The following IQCJ variants were observed in gnomAD, a reference collection of about 807,000 sequenced individuals.
The protein encoded by IQCJ is IQ domain-containing protein J.
In IQCJ, 9 loss-of-function variants were observed where a neutral mutation model predicts 11.0. The observed-to-expected ratio is 0.82, with a 90% CI of 0.49 to 1.43. IQCJ has a LOEUF of 1.43. Among genes scored for constraint, IQCJ ranks in the 40% most tolerant of loss-of-function variants. The probability of loss-of-function intolerance (pLI) is 0.00; values close to 1 mark genes in which losing one functional copy is unlikely to be tolerated. For synonymous variants in IQCJ, 55 were observed against 51.3 expected (o/e 1.07, Z -0.31); for missense variants, 146 against 133.2 (o/e 1.10, Z -0.47).
At chr3:159,128,368 T>G (rs1458565669) in intron 1 of IQCJ, among the ~76,000 whole-genome samples, 2 of 152,220 alleles carry the variant, frequency 1.3e-5, no homozygotes, top group East Asian at 1.9e-4. Context: ...AATTTCAGAC[T>G]GGCTATGTCA....
intron 1 of IQCJ, among the ~76,000 whole-genome samples, chr3:159,107,809 A>G (rs1261101621): frequency 6.6e-6 from 1 of 152,040 alleles, no homozygotes; most frequent in Non-Finnish European, 1.5e-5. Context: ...TGAGCACCCA[A>G]CGCCTGAGCT....
At chr3:159,195,448 G>T (rs1293386836) in intron 1 of IQCJ, among the ~76,000 whole-genome samples, 1 of 152,174 alleles carries the variant, frequency 6.6e-6, no homozygotes, top group African/African-American at 2.4e-5. Context: ...ATGGAGGAGT[G>T]GTAGCCTTTA....
At chr3:159,101,407 T>C (rs943582769) in intron 1 of IQCJ, among the ~76,000 whole-genome samples, 4 of 152,072 alleles carry the variant, frequency 2.6e-5, no homozygotes, top group African/African-American at 9.7e-5. Flanking sequence ...GAGGAAAATT[T>C]AAATGGAATC....
intron 1 of IQCJ, among the ~76,000 whole-genome samples, chr3:159,080,518 C>A (rs745951381): frequency 6.6e-6 from 1 of 152,082 alleles, no homozygotes; most frequent in Non-Finnish European, 1.5e-5. Context: ...GTAATTCCTG[C>A]TGGAAAGAAG....
rs375908461 is a variant in IQCJ at position 159,091,001 on chromosome 3, TA to T, written c.9+21561del. ...AGCTAAAAACTAAATCCCTAAATTA[TA>T]GTGGAAAGCATTAATTGAGGAAGTT... is the stretch of plus-strand genomic sequence containing the variant. On this transcript the variant is annotated intron_variant, in intron 1 of 3. Coordinates refer to ENST00000397832, the MANE Select transcript of IQCJ (RefSeq NM_001042706.3). Among the ~76,000 whole-genome samples, 34 of 151,990 alleles carry T rather than the reference TA, an allele frequency of 2.2e-4. No individual in the cohort carries two copies. In the East Asian group the frequency reaches 6.0e-3, roughly 27 times the overall value.
At chr3:159,157,154 A>G (rs1721568346) in intron 1 of IQCJ, among the ~76,000 whole-genome samples, 2 of 152,134 alleles carry the variant, frequency 1.3e-5, no homozygotes, top group Admixed American at 1.3e-4. Context: ...TGTGGAGAGG[A>G]GGAGGAGACT....
At chr3:159,265,374 G>A, downstream of IQCJ, 2 of 1,613,512 alleles carry the variant, frequency 1.2e-6, no homozygotes, top group Non-Finnish European at 1.7e-6. Flanking sequence ...GCCCCAGATA[G>A]AAAGACTTGG....
rs150801115 is a variant in IQCJ, at chr3:159,093,036, G to T, written c.9+23595G>T. Among the ~76,000 whole-genome samples, 864 of 151,450 alleles carry T rather than the reference G, an allele frequency of 5.7e-3. 27 individuals carry two copies. The highest frequency in any genetic ancestry group is 0.019 in the African/African-American group (784 of 40,938). ...TATGATAGTTCATTTTAAATCCCTC[G>T]GTGGTAGTTCAAACTTTGACTCCCA... On this transcript the variant is annotated intron_variant, in intron 1 of 3. Coordinates refer to ENST00000397832, the MANE Select transcript of IQCJ (RefSeq NM_001042706.3).
chr3:159,193,173 C>A (rs115412644), intron 1 of IQCJ, among the ~76,000 whole-genome samples: 1 of 152,098 alleles, frequency 6.6e-6, no homozygotes, highest in African/African-American at 2.4e-5. Flanking sequence ...ACATGGTCTG[C>A]GGAAAATATC....
chr3:159,089,175 A>T (rs1315906029), intron 1 of IQCJ, among the ~76,000 whole-genome samples: 1 of 152,042 alleles, frequency 6.6e-6, no homozygotes, highest in African/African-American at 2.4e-5. Context: ...TCCTTCACTT[A>T]TGAAGCTTAG....
At chr3:159,149,741 G>T (rs1259847293) in intron 1 of IQCJ, among the ~76,000 whole-genome samples, 1 of 152,142 alleles carries the variant, frequency 6.6e-6, no homozygotes, top group Non-Finnish European at 1.5e-5. Flanking sequence ...AATTGGATTT[G>T]AAGGATTTAC....
In IQCJ at chr3:159,257,778, G is replaced by T. The variant is rs538887850; in HGVS notation, c.156-4770G>T. Among the ~76,000 whole-genome samples, 5 of 152,302 alleles carry T rather than the reference G, an allele frequency of 3.3e-5. No homozygotes were observed. The East Asian group carries it at 9.7e-4, about 29-fold the overall frequency. ...AACTAACAGACTGAAATAAGTAGGG[G>T]TTCTACTTCTCCACTCACAGTCAGT... On this transcript the variant is annotated intron_variant, in intron 3 of 3. Coordinates refer to ENST00000397832, the MANE Select transcript of IQCJ (RefSeq NM_001042706.3).
chr3:159,110,603 GGACCAGTCTCCTTGTGTA>G (rs1718565055), intron 1 of IQCJ, among the ~76,000 whole-genome samples: 1 of 152,132 alleles, frequency 6.6e-6, no homozygotes, highest in African/African-American at 2.4e-5. Context: ...GTTGTTTACA[GGACCAGTCTCCTTGTGTA>G]GACCGTGACT....
Position 159,230,510 on chromosome 3 carries a change from C to T in IQCJ, c.10-15333C>T, listed in dbSNP as rs1259474130. On this transcript the variant is annotated intron_variant, in intron 1 of 3. Transcript: ENST00000397832. ...GATTATAATACAAGCTCAGAAAACC[C>T]AGCATCTACTGGGTCTGATAAGCAA... Among the ~76,000 whole-genome samples the T allele has an allele frequency of 4.6e-5, 7 of 152,240 alleles. No individual in the cohort carries two copies. The South Asian group carries it at 1.5e-3, about 32-fold the overall frequency.
chr3:159,132,032 C>T (rs1007089448), intron 1 of IQCJ, among the ~76,000 whole-genome samples: 14 of 152,142 alleles, frequency 9.2e-5, no homozygotes, highest in Admixed American at 7.9e-4. Flanking sequence ...TCTGTCAGCC[C>T]TTCCAGCTGA....
At chr3:159,176,892 A>G (rs913120909) in intron 1 of IQCJ, among the ~76,000 whole-genome samples, 1 of 152,188 alleles carries the variant, frequency 6.6e-6, no homozygotes, top group African/African-American at 2.4e-5. Flanking sequence ...CAGCATCCAC[A>G]ATACTGTACA....
At chr3:159,083,864 A>G (rs766389718) in intron 1 of IQCJ, among the ~76,000 whole-genome samples, 69 of 152,154 alleles carry the variant, frequency 4.5e-4, no homozygotes, top group Non-Finnish European at 1.8e-4. Context: ...TGACAAAATT[A>G]TATAGATGGG....
chr3:159,213,036 G>A (rs1262346397), intron 1 of IQCJ, among the ~76,000 whole-genome samples: 1 of 152,044 alleles, frequency 6.6e-6, no homozygotes, highest in Non-Finnish European at 1.5e-5. Context: ...GTCTTAGGCA[G>A]CAGCAAGGCA....
chr3:159,117,967 C>G (rs1378058922), intron 1 of IQCJ, among the ~76,000 whole-genome samples: 2 of 152,056 alleles, frequency 1.3e-5, no homozygotes, highest in Admixed American at 1.3e-4. Context: ...CCAGCTCTGC[C>G]TTAAGATGAT....
Sources: allele counts gnomAD v4.1 joint callset (sites outside exome capture counted in the v4.1 genomes callset), GRCh38; gene constraint gnomAD v4.1.1; transcripts MANE v1.5; gene names NCBI Gene and HGNC (gene_info 2026-07-23, HGNC 2026-07-21).